Variants in TPST2 observed in about 807,000 individuals in gnomAD.
TPST2 encodes tyrosylprotein sulfotransferase 2, also known as protein-tyrosine sulfotransferase 2.
In TPST2, 16 loss-of-function variants were observed where a neutral mutation model predicts 27.8. The observed-to-expected ratio is 0.58, with a 90% CI of 0.39 to 0.88. The LOEUF (loss-of-function observed/expected upper bound fraction) is 0.88, where lower values mean the gene tolerates loss of function less well. TPST2 is among the 40% of genes least tolerant of loss of function. The pLI is 0.00. For synonymous variants in TPST2, 229 were observed against 231.7 expected, an observed-to-expected ratio of 0.99 and a Z score of 0.10; for missense variants, 464 against 543.1, an observed-to-expected ratio of 0.85 and a Z score of 1.45.
intron 1 of TPST2, among the ~76,000 whole-genome samples, chr22:26,562,853 C>A (rs1425882508): frequency 1.3e-5 from 2 of 152,182 alleles, no homozygotes; most frequent in Non-Finnish European, 2.9e-5. Flanking sequence ...AAACTCTCGA[C>A]CTCAAGTGAT....
intron 1 of TPST2, among the ~76,000 whole-genome samples, chr22:26,547,273 A>AT (rs1926177631): frequency 6.6e-6 from 1 of 151,866 alleles, no homozygotes; most frequent in Non-Finnish European, 1.5e-5. Context: ...TAATATTTGT[A>AT]TTTTTGTGTA....
At chr22:26,545,391 G>A (rs1926063869) in intron 1 of TPST2, among the ~76,000 whole-genome samples, 1 of 152,202 alleles carries the variant, frequency 6.6e-6, no homozygotes, top group Non-Finnish European at 1.5e-5. Context: ...ACAGGAACGA[G>A]GCTGTGTCCA....
At chr22:26,539,603 G>GAA (rs975535326) in intron 3 of TPST2, among the ~76,000 whole-genome samples, 4 of 137,756 alleles carry the variant, frequency 2.9e-5, no homozygotes, top group South Asian at 2.3e-4. Context: ...TCTCTACTAG[G>GAA]AAAAAAAAAA....
At chr22:26,556,930 TA>T (rs1176671622) in intron 1 of TPST2, among the ~76,000 whole-genome samples, 8 of 152,054 alleles carry the variant, frequency 5.3e-5, no homozygotes, top group Non-Finnish European at 8.8e-5. Flanking sequence ...TTTTAAGAAG[TA>T]AAAGTGGCCA....
At chr22:26,587,938 A>G (rs919777342) in intron 1 of TPST2, among the ~76,000 whole-genome samples, 3 of 152,022 alleles carry the variant, frequency 2.0e-5, no homozygotes, top group African/African-American at 7.2e-5. Flanking sequence ...TACAAAATAA[A>G]TAAATAATAA....
chr22:26,564,032 T>C (rs1927258147), intron 1 of TPST2, among the ~76,000 whole-genome samples: 2 of 152,188 alleles, frequency 1.3e-5, no homozygotes, highest in Non-Finnish European at 1.5e-5. Context: ...GCCAGCAGTC[T>C]GCATGTTCCC....
chr22:26,554,051 T>C (rs1264586411), intron 1 of TPST2, among the ~76,000 whole-genome samples: 1 of 152,098 alleles, frequency 6.6e-6, no homozygotes, highest in Admixed American at 6.6e-5. Flanking sequence ...TAGGCACTAT[T>C]ATTATTAGCC....
intron 1 of TPST2, chr22:26,560,790 T>A: frequency 7.5e-7 from 1 of 1,329,158 alleles, no homozygotes; most frequent in Non-Finnish European, 1.1e-6. Flanking sequence ...AAAAAAGAAG[T>A]TCAAGGATCC....
intron 1 of TPST2, chr22:26,547,765 T>G (rs1248144192): frequency 6.6e-6 from 1 of 152,214 alleles, no homozygotes; most frequent in Non-Finnish European, 1.5e-5. Context: ...CAGTGAACTA[T>G]GATCGAGCCA....
intron 1 of TPST2, among the ~76,000 whole-genome samples, chr22:26,588,600 G>A (rs1928431139): frequency 6.6e-6 from 1 of 152,158 alleles, no homozygotes; most frequent in Admixed American, 6.5e-5. Context: ...AAAATCAGGT[G>A]ATACAAAGAT....
At chr22:26,571,319 C>T (rs1427301245) in intron 1 of TPST2, among the ~76,000 whole-genome samples, 1 of 152,188 alleles carries the variant, frequency 6.6e-6, no homozygotes, top group African/African-American at 2.4e-5. Flanking sequence ...ACTCTCTCAC[C>T]CTCCTGTCCT....
At position 26,585,743 on chromosome 22, in the gene TPST2, C is replaced by G. The variant is rs574003313; in HGVS notation, c.-161+4310G>C. On this transcript the variant is annotated intron_variant, in intron 1 of 6. Transcript: ENST00000338754. ...GCCACTCTTACTACAAATACACCCACAAAGTCACATCAATAATACATTTCA... is the reference window on the plus strand; with the variant it reads ...GCCACTCTTACTACAAATACACCCAGAAAGTCACATCAATAATACATTTCA... 4.6e-5 allele frequency among the ~76,000 whole-genome samples: 7 copies of G among 152,300 alleles called. No homozygotes were observed. The East Asian group carries it at 1.3e-3, about 29-fold the overall frequency.
chr22:26,578,853 C>CTT (rs869169533), intron 1 of TPST2, among the ~76,000 whole-genome samples: 9 of 138,956 alleles, frequency 6.5e-5, no homozygotes, highest in African/African-American at 1.6e-4. Context: ...TTCTTTCTTT[C>CTT]TTTTTTTTTT....
rs944056408 is a variant in TPST2 at position 26,522,829 on chromosome 22, C to T, written c.*3446G>A. ...GTGCGGTGGCTCACGCCTGTAAACC[C>T]AACTCTTTGAGAGGCTGAGGAAGGA... On this transcript the variant is annotated 3_prime_UTR_variant, in exon 7 of 7. Transcript: ENST00000338754. 1 of 152,426 alleles carries T rather than the reference C, an allele frequency of 6.6e-6. No homozygotes were observed. The highest frequency in any genetic ancestry group is 1.5e-5 in the Non-Finnish European group (1 of 68,220). 9.4% of individuals were successfully genotyped at this position (152,426 alleles called of 1,614,324 possible).
chr22:26,558,852 GACAA>G lies in TPST2; in HGVS notation c.-160-14181_-160-14178del, dbSNP rs1178603954. 1.3e-4 allele frequency among the ~76,000 whole-genome samples: 20 copies of G among 152,272 alleles called. No individual in the cohort carries two copies. The East Asian group carries it at 3.9e-3, about 29-fold the overall frequency. ...TTTAGATCAGTGGAAAAAAATCCAT[GACAA>G]ACAAAAAATATAAAGTGTTTAAATA... is the stretch of plus-strand genomic sequence containing the variant. On this transcript the variant is annotated intron_variant, in intron 1 of 6. Transcript: ENST00000338754.
intron 4 of TPST2, 137 bp downstream of exon 4, chr22:26,536,151 G>T (rs1925448549): frequency 2.6e-6 from 3 of 1,158,146 alleles, no homozygotes; most frequent in African/African-American, 1.5e-5. Context: ...GTAGTTCACT[G>T]TGTCCATCAG....
intron 1 of TPST2, among the ~76,000 whole-genome samples, chr22:26,575,977 C>G (rs1927820235): frequency 6.6e-6 from 1 of 151,708 alleles, no homozygotes. Context: ...GCCTGGGTGA[C>G]AGAGCGAGAC....
chr22:26,532,770 A>T, intron 4 of TPST2, 25 bp from the exon 5 acceptor site: 4 of 1,607,458 alleles, frequency 2.5e-6, no homozygotes, highest in Non-Finnish European at 3.4e-6. Flanking sequence ...AAGAAATATC[A>T]CTATTATGAA....
chr22:26,526,611 C>A (rs1219532637), intron 6 of TPST2, among the ~76,000 whole-genome samples: 3 of 152,212 alleles, frequency 2.0e-5, no homozygotes, highest in African/African-American at 7.2e-5. Context: ...TCAGCTAAAG[C>A]ACCTCTATAT....
Sources: gnomAD v4.1 joint callset for allele counts (sites outside exome capture counted in the v4.1 genomes callset) on GRCh38, gnomAD v4.1.1 for gene constraint, MANE v1.5 for transcripts, NCBI Gene and HGNC (gene_info 2026-07-23, HGNC 2026-07-21) for gene names.